ATAD1: variants seen among roughly 807,000 people sequenced by gnomAD.
The protein encoded by ATAD1 is ATPase family AAA domain containing 1.
In ATAD1, 18 loss-of-function variants were observed where a neutral mutation model predicts 42.7. That is an observed-to-expected ratio of 0.42 (90% CI 0.29 to 0.63). The LOEUF is 0.63. Among genes scored for constraint, ATAD1 ranks in the 20% least tolerant of loss-of-function variants. The pLI is 0.19. For missense variants in ATAD1, 294 were observed against 440.4 expected (o/e 0.67, Z 2.98); for synonymous variants, 132 against 143.1 (o/e 0.92, Z 0.55).
rs577233347 is a variant in ATAD1, at chr10:87,768,215, T to G, written c.781-492A>C. ...TGCTGATGATATATTTGTTTACATG[T>G]CTGTATGCTTTTCCCCCAGTGACAA... On this transcript the variant is annotated intron_variant, in intron 7 of 9. Transcript: ENST00000680024. Among the ~76,000 whole-genome samples, 7 of 152,324 alleles carry G rather than the reference T, an allele frequency of 4.6e-5. No individual in the cohort carries two copies. The East Asian group carries it at 1.2e-3, about 25-fold the overall frequency.
intron 6 of ATAD1, among the ~76,000 whole-genome samples, chr10:87,771,349 A>G (rs528731011): frequency 6.6e-6 from 1 of 152,280 alleles, no homozygotes; most frequent in South Asian, 2.1e-4. Flanking sequence ...TTAAAAAACT[A>G]TTGTATTTTG....
intron 8 of ATAD1, among the ~76,000 whole-genome samples, chr10:87,760,190 G>A (rs1411668825): frequency 6.6e-6 from 1 of 152,078 alleles, no homozygotes; most frequent in Non-Finnish European, 1.5e-5. Context: ...ACCCTGATAT[G>A]GTCTGGCTCT....
chr10:87,760,241 G>C (rs1156460468), intron 8 of ATAD1, among the ~76,000 whole-genome samples: 1 of 152,148 alleles, frequency 6.6e-6, no homozygotes, highest in Non-Finnish European at 1.5e-5. Flanking sequence ...AATTCCCAGT[G>C]TTAGGGGGAG....
intron 2 of ATAD1, among the ~76,000 whole-genome samples, chr10:87,809,123 T>G (rs1422082474): frequency 6.6e-6 from 1 of 152,180 alleles, no homozygotes. Context: ...GAAATGCATA[T>G]TTTTCTAAGG....
At chr10:87,799,563 G>A (rs999661503) in intron 2 of ATAD1, among the ~76,000 whole-genome samples, 1 of 152,152 alleles carries the variant, frequency 6.6e-6, no homozygotes, top group Non-Finnish European at 1.5e-5. Flanking sequence ...AAGATGGGGT[G>A]AGTTAGGTCA....
intron 2 of ATAD1, among the ~76,000 whole-genome samples, chr10:87,804,653 A>G (rs1856843253): frequency 6.6e-6 from 1 of 152,190 alleles, no homozygotes; most frequent in African/African-American, 2.4e-5. Context: ...TACAGGTATG[A>G]GCCACCATGC....
intron 7 of ATAD1, among the ~76,000 whole-genome samples, chr10:87,769,081 A>G (rs1854905863): frequency 6.6e-6 from 1 of 152,240 alleles, no homozygotes; most frequent in Non-Finnish European, 1.5e-5. Context: ...TAAAAAAAGA[A>G]TAAAATTTAA....
At chr10:87,817,977 G>T (rs1181957182) in intron 1 of ATAD1, 190 bp downstream of exon 1, 2 of 985,494 alleles carry the variant, frequency 2.0e-6, no homozygotes, top group East Asian at 2.3e-4. Context: ...CGAGGCCCGG[G>T]ACGCCCTTGG....
chr10:87,777,273 TAATA>T (rs1227649137), intron 5 of ATAD1, among the ~76,000 whole-genome samples: 2 of 152,064 alleles, frequency 1.3e-5, no homozygotes, highest in African/African-American at 4.8e-5. Context: ...AGTTTCCTGT[TAATA>T]AATAAAAACG....
At chr10:87,802,997 A>C (rs1241336519) in intron 2 of ATAD1, among the ~76,000 whole-genome samples, 1 of 152,220 alleles carries the variant, frequency 6.6e-6, no homozygotes, top group Non-Finnish European at 1.5e-5. Flanking sequence ...ATGCCCTAAG[A>C]ACTGAAGCTA....
intron 1 of ATAD1, among the ~76,000 whole-genome samples, chr10:87,829,641 G>T (rs190696684): frequency 6.6e-6 from 1 of 152,292 alleles, no homozygotes; most frequent in East Asian, 1.9e-4. Context: ...GGAAGAAGTT[G>T]GTCCAACCCT....
At position 87,752,396 on chromosome 10, in the gene ATAD1, A is replaced by G. The variant is rs1854052883; in HGVS notation, c.*2291T>C. The stretch of plus-strand genomic sequence containing the variant: ...AAATGTACATCAGTGTGCAAAAGTG[A>G]CAATATTAATACGACAGCTAACATT... On this transcript the variant is annotated 3_prime_UTR_variant, in exon 10 of 10. Coordinates refer to ENST00000680024, the MANE Select transcript of ATAD1 (RefSeq NM_001321967.2). 1 of 152,208 alleles carries G rather than the reference A, an allele frequency of 6.6e-6. No homozygotes were observed. Among genetic ancestry groups the G allele is most frequent in the Non-Finnish European group, 1.5e-5 (1 of 68,046 alleles). The allele number at this position is 152,208 out of a possible 1,614,324, so 9.4% of individuals were successfully genotyped here.
upstream of ATAD1, among the ~76,000 whole-genome samples, chr10:87,820,407 G>A (rs1857610531): frequency 6.6e-6 from 1 of 152,182 alleles, no homozygotes; most frequent in African/African-American, 2.4e-5. Flanking sequence ...AAGGACCAGG[G>A]TGACCAGCCT....
At chr10:87,805,469 G>A (rs1406833398) in intron 2 of ATAD1, among the ~76,000 whole-genome samples, 2 of 152,008 alleles carry the variant, frequency 1.3e-5, no homozygotes, top group Non-Finnish European at 2.9e-5. Context: ...CAAAACAATT[G>A]AGTTCCCAAT....
intron 8 of ATAD1, among the ~76,000 whole-genome samples, chr10:87,762,842 G>T (rs889545493): frequency 6.7e-6 from 1 of 149,412 alleles, no homozygotes; most frequent in East Asian, 2.0e-4. Flanking sequence ...AGGCTGAGGC[G>T]GGCGGATCAT....
intron 2 of ATAD1, among the ~76,000 whole-genome samples, chr10:87,799,072 C>T (rs1856555374): frequency 6.6e-6 from 1 of 152,102 alleles, no homozygotes; most frequent in East Asian, 1.9e-4. Flanking sequence ...GAAGACTCGT[C>T]AAATGCTTTT....
upstream of ATAD1, among the ~76,000 whole-genome samples, chr10:87,822,780 A>G (rs1160521218): frequency 6.6e-6 from 1 of 152,184 alleles, no homozygotes; most frequent in Non-Finnish European, 1.5e-5. Context: ...TTAAATAACT[A>G]AAAGAGTATA....
chr10:87,791,174 CAT>C (rs1395507780), intron 3 of ATAD1, among the ~76,000 whole-genome samples: 1 of 145,082 alleles, frequency 6.9e-6, no homozygotes, highest in East Asian at 2.0e-4. Context: ...CACTGCACTC[CAT>C]CCTAGGTGAC....
intron 1 of ATAD1, among the ~76,000 whole-genome samples, chr10:87,815,981 C>G (rs1170750895): frequency 6.6e-6 from 1 of 152,090 alleles, no homozygotes; most frequent in African/African-American, 2.4e-5. Context: ...CCTCATTCAC[C>G]TAGGATTAGT....
Sources: allele counts gnomAD v4.1 joint callset (sites outside exome capture counted in the v4.1 genomes callset), GRCh38; gene constraint gnomAD v4.1.1; transcripts MANE v1.5; gene names NCBI Gene and HGNC (gene_info 2026-07-23, HGNC 2026-07-21).